Variants in NBAS observed in about 807,000 individuals in gnomAD.
The protein encoded by NBAS is NAG/BC035112 fusion.
A neutral mutation model predicts 302.5 loss-of-function variants in NBAS; 219 were observed. That is an observed-to-expected ratio of 0.72 (90% CI 0.65 to 0.81). NBAS has a LOEUF of 0.81. Ranked by LOEUF, NBAS falls within the 30% of genes least tolerant of loss-of-function variation. The probability of loss-of-function intolerance (pLI) is 0.00; values close to 1 mark genes in which losing one functional copy is unlikely to be tolerated. For missense variants in NBAS, 2,932 were observed against 2,841.6 expected, an observed-to-expected ratio of 1.03 and a Z score of -0.72; for synonymous variants, 1,118 against 1,021.6, an observed-to-expected ratio of 1.09 and a Z score of -1.80.
At chr2:15,538,252 G>A in intron 7 of NBAS, 1 of 336,242 alleles carries the variant, frequency 3.0e-6, no homozygotes, top group South Asian at 2.6e-5. Context: ...CACACATACA[G>A]CTCATATTGT....
the NBAS span, among the ~76,000 whole-genome samples, chr2:14,991,359 C>T: frequency 6.6e-6 from 1 of 152,118 alleles, no homozygotes; most frequent in African/African-American, 2.4e-5. Context: ...AGGACGCCTT[C>T]CTCCCACGTT....
At chr2:15,471,973 CT>C (rs1296696485) in intron 16 of NBAS, among the ~76,000 whole-genome samples, 1 of 152,162 alleles carries the variant, frequency 6.6e-6, no homozygotes, top group East Asian at 1.9e-4. Context: ...GCGGCTAAAA[CT>C]AATTGAGACA....
the NBAS span, among the ~76,000 whole-genome samples, chr2:14,897,428 T>G: frequency 6.6e-6 from 1 of 152,322 alleles, no homozygotes; most frequent in East Asian, 1.9e-4. Context: ...AAGCCATTTA[T>G]ATGCACCATT....
At position 15,383,389 on chromosome 2, in the gene NBAS, A is replaced by G. The variant is rs540988293; in HGVS notation, c.3258-72T>C. 3.2e-5 allele frequency: 47 copies of G among 1,463,028 alleles called. No homozygotes were observed. In the South Asian group the frequency reaches 5.2e-4, roughly 16 times the overall value. 90.6% of individuals were successfully genotyped at this position (1,463,028 alleles called of 1,614,324 possible). A position where few individuals can be genotyped will look rare whatever the true frequency, so the allele number is the denominator to read the frequency against. ...TAAAATCTCTTTCTTCAAATGATCT[A>G]AAGTTAAAAAAACAAAAACTGGTAC... On this transcript the variant is annotated intron_variant, in intron 28 of 51. Transcript: ENST00000281513.
At chr2:15,085,084 C>T in the NBAS span, among the ~76,000 whole-genome samples, 1 of 152,180 alleles carries the variant, frequency 6.6e-6, no homozygotes, top group Non-Finnish European at 1.5e-5. Context: ...CCAAGTAGCC[C>T]GTCGGTGAGG....
intron 47 of NBAS, among the ~76,000 whole-genome samples, chr2:15,230,011 A>G (rs1667314267): frequency 6.6e-6 from 1 of 152,080 alleles, no homozygotes; most frequent in South Asian, 2.1e-4. Context: ...GAGTGAGGTT[A>G]TTGTCAAAAC....
the NBAS span, among the ~76,000 whole-genome samples, chr2:14,856,809 A>G: frequency 6.6e-6 from 1 of 152,298 alleles, no homozygotes; most frequent in East Asian, 1.9e-4. Context: ...TCTAGAAAAT[A>G]GCCTCAACGG....
chr2:15,413,839 A>G (rs1433245724), intron 25 of NBAS, among the ~76,000 whole-genome samples: 1 of 151,608 alleles, frequency 6.6e-6, no homozygotes, highest in East Asian at 1.9e-4. Flanking sequence ...GAAGAGCCCA[A>G]CAACATCACT....
chr2:15,242,789 C>T (rs1667924420), intron 44 of NBAS, among the ~76,000 whole-genome samples: 1 of 151,608 alleles, frequency 6.6e-6, no homozygotes, highest in Admixed American at 6.6e-5. Context: ...TTAACTGTTC[C>T]CTGCAGCAAT....
chr2:15,505,224 G>A (rs1269273301), intron 10 of NBAS, among the ~76,000 whole-genome samples: 1 of 152,152 alleles, frequency 6.6e-6, no homozygotes, highest in African/African-American at 2.4e-5. Context: ...AAAGCAAATT[G>A]AAAAACACCC....
At chr2:15,392,604 T>C (rs1336060723) in intron 28 of NBAS, among the ~76,000 whole-genome samples, 2 of 151,938 alleles carry the variant, frequency 1.3e-5, no homozygotes, top group African/African-American at 2.4e-5. Flanking sequence ...AACTACAAGA[T>C]TATTTAAAGA....
intron 32 of NBAS, among the ~76,000 whole-genome samples, chr2:15,357,316 C>T (rs912526996): frequency 6.6e-6 from 1 of 152,178 alleles, no homozygotes; most frequent in Non-Finnish European, 1.5e-5. Context: ...CCACAAACAC[C>T]TTATACAATT....
the NBAS span, among the ~76,000 whole-genome samples, chr2:14,838,882 CT>C: frequency 1.7e-4 from 26 of 151,878 alleles, no homozygotes; most frequent in Non-Finnish European, 2.9e-4. Context: ...AGGAAGGTAT[CT>C]TAAATAACCA....
At position 15,168,161 on chromosome 2, in the gene NBAS, T is replaced by C. The variant is rs183684220; in HGVS notation, c.6841-838A>G. Among the ~76,000 whole-genome samples the C allele has an allele frequency of 2.4e-3, 373 of 152,342 alleles. 2 individuals are homozygous for C. Among genetic ancestry groups the C allele is most frequent in the African/African-American group, 8.5e-3 (352 of 41,572 alleles). On this transcript the variant is annotated intron_variant, in intron 51 of 51. Coordinates refer to ENST00000281513, the MANE Select transcript of NBAS (RefSeq NM_015909.4). ...GCTTCTCACTTACATTGGGGTATCA[T>C]AAAACAGATTCCTGACAGGCTTTTC...
At chr2:15,148,759 T>C in the NBAS span, among the ~76,000 whole-genome samples, 1 of 152,246 alleles carries the variant, frequency 6.6e-6, no homozygotes, top group Non-Finnish European at 1.5e-5. Flanking sequence ...TGGTGCCCTG[T>C]GTTAAAACAA....
At chr2:15,330,519 A>C in intron 36 of NBAS, 79 bp downstream of exon 36, 1 of 1,561,730 alleles carries the variant, frequency 6.4e-7, no homozygotes, top group Non-Finnish European at 8.8e-7. Context: ...AAGATATAAC[A>C]GTGAAAACAA....
At chr2:15,349,401 A>G (rs1483847442) in intron 35 of NBAS, among the ~76,000 whole-genome samples, 1 of 152,238 alleles carries the variant, frequency 6.6e-6, no homozygotes. Context: ...GAGGGAAAAC[A>G]ATAGTTGCTA....
intron 19 of NBAS, among the ~76,000 whole-genome samples, chr2:15,465,685 T>C (rs1679690434): frequency 6.6e-6 from 1 of 152,216 alleles, no homozygotes; most frequent in Non-Finnish European, 1.5e-5. Flanking sequence ...CAAATTCACC[T>C]ACTTTTCAAG....
the NBAS span, among the ~76,000 whole-genome samples, chr2:15,087,223 A>AC: frequency 4.2e-5 from 6 of 143,192 alleles, no homozygotes; most frequent in African/African-American, 1.0e-4. Flanking sequence ...TTTTTATACA[A>AC]ACACACACAC....
Sources: gnomAD v4.1 joint callset for allele counts (sites outside exome capture counted in the v4.1 genomes callset) on GRCh38, gnomAD v4.1.1 for gene constraint, MANE v1.5 for transcripts, NCBI Gene and HGNC (gene_info 2026-07-23, HGNC 2026-07-21) for gene names.